Variants in ROBO2 observed in about 807,000 individuals in gnomAD.
The protein encoded by ROBO2 is roundabout guidance receptor 2, also known as roundabout homolog 2.
Under a neutral mutation model 160.8 loss-of-function variants are expected in ROBO2, and 53 were observed. That is an observed-to-expected ratio of 0.33 (90% CI 0.26 to 0.41). ROBO2 has a LOEUF of 0.41. Among genes scored for constraint, ROBO2 ranks in the 10% least tolerant of loss-of-function variants. The probability of loss-of-function intolerance (pLI) is 1.00; values close to 1 mark genes in which losing one functional copy is unlikely to be tolerated. For synonymous variants in ROBO2, 664 were observed against 611.7 expected (o/e 1.09, Z -1.26); for missense variants, 1,577 against 1,722.4 (o/e 0.92, Z 1.49).
intron 2 of ROBO2, among the ~76,000 whole-genome samples, chr3:76,915,037 C>T (rs944464217): frequency 6.6e-6 from 1 of 152,160 alleles, no homozygotes; most frequent in African/African-American, 2.4e-5. Context: ...CTTTAAAATA[C>T]CAATTTGTAG....
rs189880887 is a variant in ROBO2, at chr3:76,686,425, T to C, written c.110-411589T>C. 2.2e-4 allele frequency among the ~76,000 whole-genome samples: 33 copies of C among 149,506 alleles called. No homozygotes were observed. In the East Asian group the frequency reaches 5.8e-3, roughly 26 times the overall value. On this transcript the variant is annotated intron_variant, in intron 2 of 26. Transcript: ENST00000487694. ...AAAAGAGTAAAATGTACAGCTAAAT[T>C]CTCATACACCAACAATCCTAATATT...
chr3:76,719,994 G>A (rs2093440346), intron 2 of ROBO2, among the ~76,000 whole-genome samples: 1 of 152,100 alleles, frequency 6.6e-6, no homozygotes, highest in Non-Finnish European at 1.5e-5. Context: ...GTGGGATACT[G>A]TTATGGACTA....
At chr3:76,414,508 T>C (rs1039415065) in intron 2 of ROBO2, among the ~76,000 whole-genome samples, 1 of 149,964 alleles carries the variant, frequency 6.7e-6, no homozygotes, top group Non-Finnish European at 1.5e-5. Context: ...CAGTAAACTA[T>C]CGCAAGAAGA....
chr3:77,438,593 A>G (rs909044947), intron 2 of ROBO2, among the ~76,000 whole-genome samples: 3 of 151,812 alleles, frequency 2.0e-5, no homozygotes, highest in African/African-American at 7.3e-5. Flanking sequence ...TATATTGTGT[A>G]TATTACATAT....
intron 7 of ROBO2, among the ~76,000 whole-genome samples, chr3:77,547,208 G>A (rs771101838): frequency 3.9e-5 from 6 of 152,170 alleles, no homozygotes; most frequent in East Asian, 1.9e-4. Context: ...CTCTAGGTTC[G>A]TAGTCAATGA....
intron 2 of ROBO2, among the ~76,000 whole-genome samples, chr3:77,426,072 T>C (rs975241978): frequency 4.6e-5 from 7 of 152,064 alleles, no homozygotes; most frequent in Admixed American, 4.6e-4. Context: ...GTATTGAGGT[T>C]GGATTGGGAG....
intron 2 of ROBO2, among the ~76,000 whole-genome samples, chr3:76,982,293 C>T (rs1424491583): frequency 6.6e-6 from 1 of 152,112 alleles, no homozygotes; most frequent in Non-Finnish European, 1.5e-5. Flanking sequence ...GTTACATCTA[C>T]TTATACAGTT....
At chr3:77,254,869 A>G (rs763122919) in intron 2 of ROBO2, among the ~76,000 whole-genome samples, 5 of 152,232 alleles carry the variant, frequency 3.3e-5, no homozygotes, top group Non-Finnish European at 7.3e-5. Flanking sequence ...GTGGCAGAAT[A>G]AAAACAAGGT....
At chr3:77,627,985 T>C (rs1198862117) in intron 23 of ROBO2, among the ~76,000 whole-genome samples, 1 of 152,332 alleles carries the variant, frequency 6.6e-6, no homozygotes. Context: ...GAAGATGTAA[T>C]AGAGACACAG....
chr3:77,600,737 T>G (rs898809627), intron 19 of ROBO2, among the ~76,000 whole-genome samples: 1 of 152,268 alleles, frequency 6.6e-6, no homozygotes, highest in East Asian at 1.9e-4. Flanking sequence ...ATATACTACA[T>G]ATTAAAAGTT....
At chr3:77,600,629 AT>A (rs2094411793) in intron 19 of ROBO2, among the ~76,000 whole-genome samples, 1 of 152,232 alleles carries the variant, frequency 6.6e-6, no homozygotes, top group South Asian at 2.1e-4. Flanking sequence ...AATCAAGTAT[AT>A]TCACTTAATA....
chr3:77,592,848 G>A lies in ROBO2; in HGVS notation c.2684-2294G>A, dbSNP rs560247981. Among the ~76,000 whole-genome samples the A allele has an allele frequency of 9.9e-5, 15 of 152,170 alleles. No homozygotes were observed. The South Asian group carries it at 1.7e-3, about 17-fold the overall frequency. On this transcript the variant is annotated intron_variant, in intron 17 of 25. Transcript: ENST00000461745. ...ATTACAGGCGTGAGCCACCATGCCC[G>A]GCCTCATGATATATTTTTTATAGGG...
intron 2 of ROBO2, among the ~76,000 whole-genome samples, chr3:77,383,224 C>A (rs1358851614): frequency 2.0e-5 from 3 of 151,986 alleles, no homozygotes; most frequent in Non-Finnish European, 1.5e-5. Flanking sequence ...CATAATTTAA[C>A]CTCAATTTTC....
At chr3:76,581,727 T>G (rs566203199) in intron 2 of ROBO2, among the ~76,000 whole-genome samples, 8 of 152,258 alleles carry the variant, frequency 5.3e-5, no homozygotes, top group Admixed American at 5.2e-4. Context: ...GTTTTAAATT[T>G]AAGGAGTTTA....
At chr3:76,921,834 T>A (rs1264158654) in intron 2 of ROBO2, among the ~76,000 whole-genome samples, 5 of 152,192 alleles carry the variant, frequency 3.3e-5, no homozygotes, top group Admixed American at 1.3e-4. Flanking sequence ...ATTTTTAGAC[T>A]CATATCTCAC....
chr3:76,689,922 G>A (rs969877628), intron 2 of ROBO2, among the ~76,000 whole-genome samples: 12 of 151,980 alleles, frequency 7.9e-5, no homozygotes, highest in Middle Eastern at 3.4e-3. Context: ...ACCTTCCCTC[G>A]GAAATGTATT....
At chr3:76,724,421 A>G (rs1347630808) in intron 2 of ROBO2, among the ~76,000 whole-genome samples, 1 of 152,194 alleles carries the variant, frequency 6.6e-6, no homozygotes, top group South Asian at 2.1e-4. Context: ...TATTTCCGCA[A>G]GTCTTCAGAT....
At chr3:76,007,327 A>G (rs758704644) in intron 2 of ROBO2, among the ~76,000 whole-genome samples, 11 of 152,242 alleles carry the variant, frequency 7.2e-5, no homozygotes, top group Non-Finnish European at 1.0e-4. Context: ...CAATTATTTC[A>G]TGTTTTTTAA....
At chr3:76,634,859 C>G (rs1443819286) in intron 2 of ROBO2, among the ~76,000 whole-genome samples, 1 of 152,222 alleles carries the variant, frequency 6.6e-6, no homozygotes, top group Non-Finnish European at 1.5e-5. Context: ...ACAAGCATTA[C>G]CTCCAGAGCT....
Sources: gnomAD v4.1 joint callset for allele counts (sites outside exome capture counted in the v4.1 genomes callset) on GRCh38, gnomAD v4.1.1 for gene constraint, MANE v1.5 for transcripts, NCBI Gene and HGNC (gene_info 2026-07-23, HGNC 2026-07-21) for gene names.